LSM8: variants seen among roughly 807,000 people sequenced by gnomAD.
LSM8 encodes LSM8 homolog, U6 small nuclear RNA associated, also known as LSM8 U6 small nuclear RNA associated.
In LSM8, 14 loss-of-function variants were observed where a neutral mutation model predicts 15.0. The observed-to-expected ratio is 0.93, with a 90% CI of 0.62 to 1.46. LSM8 has a LOEUF of 1.46. Among genes scored for constraint, LSM8 ranks in the 40% most tolerant of loss-of-function variants. LSM8 has a pLI of 0.00. For synonymous variants in LSM8, 50 were observed against 42.1 expected (o/e 1.19, Z -0.73); for missense variants, 90 against 115.4 (o/e 0.78, Z 1.01).
At chr7:118,187,797 ATGAGT>A (rs1584705811) in intron 2 of LSM8, among the ~76,000 whole-genome samples, 1 of 152,316 alleles carries the variant, frequency 6.6e-6, no homozygotes, top group African/African-American at 2.4e-5. Context: ...AAGGGTAGAG[ATGAGT>A]TGAGAAAATG....
intron 1 of LSM8, 36 bp downstream of exon 1, chr7:118,184,290 G>C (rs531194145): frequency 6.8e-7 from 1 of 1,461,708 alleles, no homozygotes; most frequent in Non-Finnish European, 9.1e-7. Flanking sequence ...CGTGAGCCGG[G>C]GTCGCGGAGA....
chr7:118,191,754 C>T, intron 3 of LSM8, 158 bp from the exon 4 acceptor site: 3 of 577,178 alleles, frequency 5.2e-6, no homozygotes, highest in Non-Finnish European at 9.1e-6. Context: ...TGACTCACGC[C>T]AATGTTGTTT....
Position 118,201,211 on chromosome 7 carries a change from A to G in LSM8, c.*9209A>G, listed in dbSNP as rs998741283. Among the ~76,000 whole-genome samples the G allele has an allele frequency of 6.6e-6, 1 of 152,062 alleles. No individual in the cohort carries two copies. The highest frequency in any genetic ancestry group is 2.4e-5 in the African/African-American group (1 of 41,406). On this transcript the variant is annotated 3_prime_UTR_variant, in exon 4 of 4. Transcript: ENST00000249299. ...AGTTATTTCGAGTTATTTATATATCACAGAATTTTGAACTAAAGATCATCT... is the reference window on the plus strand; with the variant it reads ...AGTTATTTCGAGTTATTTATATATCGCAGAATTTTGAACTAAAGATCATCT...
Position 118,203,594 on chromosome 7 carries a change from A to G in LSM8, c.*11592A>G, listed in dbSNP as rs145112092. Reference sequence around the variant, plus strand: ...ACCACTCTGAATATCAAAGTCAGTGATGTCTCCAAAAGGCAAAGGGAAGTG... The same window carrying G: ...ACCACTCTGAATATCAAAGTCAGTGGTGTCTCCAAAAGGCAAAGGGAAGTG... On this transcript the variant is annotated 3_prime_UTR_variant, in exon 4 of 4. Coordinates refer to ENST00000249299, the MANE Select transcript of LSM8 (RefSeq NM_016200.5). Among the ~76,000 whole-genome samples the G allele has an allele frequency of 7.4e-4, 112 of 151,942 alleles. 1 individual carries two copies. The highest frequency in any genetic ancestry group is 2.5e-3 in the African/African-American group (105 of 41,528).
intron 3 of LSM8, chr7:118,189,196 G>A (rs980810930): frequency 4.0e-5 from 6 of 151,348 alleles, no homozygotes; most frequent in African/African-American, 1.5e-4. Flanking sequence ...GGAGGTAGAG[G>A]TTGCAGTGAG....
chr7:118,190,930 C>A (rs933607167), intron 3 of LSM8: 1 of 151,944 alleles, frequency 6.6e-6, no homozygotes, highest in African/African-American at 2.4e-5. Flanking sequence ...CGTGGTGAAA[C>A]CCTGTCTCTA....
rs1206845643 is a variant in LSM8 at position 118,198,348 on chromosome 7, C to T, written c.*6346C>T. The stretch of plus-strand genomic sequence containing the variant: ...CATATTTAATTTTGTATATTAAAAC[C>T]AAATATTCTATGAAGATTGGAAGGA... On this transcript the variant is annotated 3_prime_UTR_variant, in exon 4 of 4. Transcript: ENST00000249299. 6.6e-6 allele frequency among the ~76,000 whole-genome samples: 1 copy of T among 151,970 alleles called. No individual in the cohort carries two copies. Among genetic ancestry groups the T allele is most frequent in the Admixed American group, 6.6e-5 (1 of 15,232 alleles).
In LSM8 at chr7:118,192,189, T is replaced by A; in HGVS notation, c.*187T>A. On this transcript the variant is annotated 3_prime_UTR_variant, in exon 4 of 4. Transcript: ENST00000249299. ...ACCTTTTTTTTTGCCTAAATATAAG[T>A]TTGGTAGCTTGGTTTCTTTTTTTTA... 2 of 392,884 alleles carry A rather than the reference T, an allele frequency of 5.1e-6. No individual in the cohort carries two copies. Among genetic ancestry groups the A allele is most frequent in the Non-Finnish European group, 8.9e-6 (2 of 225,188 alleles). The allele number at this position is 392,884 out of a possible 1,614,324, so 24.3% of individuals were successfully genotyped here.
At chr7:118,191,623 C>G (rs1808982752) in intron 3 of LSM8, 1 of 255,372 alleles carries the variant, frequency 3.9e-6, no homozygotes, top group Middle Eastern at 1.4e-3. Flanking sequence ...CCTTGTGTGT[C>G]TGTTTCCTTT....
rs905777960 is a variant in LSM8, at chr7:118,194,753, T to G, written c.*2751T>G. Among the ~76,000 whole-genome samples, 2 of 152,094 alleles carry G rather than the reference T, an allele frequency of 1.3e-5. No homozygotes were observed. The highest frequency in any genetic ancestry group is 2.9e-5 in the Non-Finnish European group (2 of 67,988). The stretch of plus-strand genomic sequence containing the variant: ...GAACCAGACAATTTAGTAGCCAGGG[T>G]TGTAAGGCAACTCTTAACTGACAAT... On this transcript the variant is annotated 3_prime_UTR_variant, in exon 4 of 4. Coordinates refer to ENST00000249299, the MANE Select transcript of LSM8 (RefSeq NM_016200.5).
chr7:118,184,173 C>A lies in LSM8; in HGVS notation c.-51C>A. 2 of 1,544,136 alleles carry A rather than the reference C, an allele frequency of 1.3e-6. No individual in the cohort carries two copies. The highest frequency in any genetic ancestry group is 2.4e-5 in the South Asian group (2 of 83,798). ...CGGGTTCTGGCGCGCCCTTTCAGTT[C>A]TGCTTGCTGTCGGCACCGCTGCGTT... On this transcript the variant is annotated 5_prime_UTR_variant, in exon 1 of 4. In the 5' UTR this introduces an upstream ATG that the reference lacks. Transcript: ENST00000249299.
Position 118,196,591 on chromosome 7 carries a change from T to C in LSM8, c.*4589T>C, listed in dbSNP as rs1003741348. On this transcript the variant is annotated 3_prime_UTR_variant, in exon 4 of 4. Coordinates refer to ENST00000249299, the MANE Select transcript of LSM8 (RefSeq NM_016200.5). ...TTCCAGATACCTTTCCGACCTCTTCTTGGTTTTGGCATTAAGTTTTTTTTT... is the reference window on the plus strand; with the variant it reads ...TTCCAGATACCTTTCCGACCTCTTCCTGGTTTTGGCATTAAGTTTTTTTTT... Among the ~76,000 whole-genome samples the C allele has an allele frequency of 6.6e-6, 1 of 152,118 alleles. No homozygotes were observed. Among genetic ancestry groups the C allele is most frequent in the South Asian group, 2.1e-4 (1 of 4,816 alleles).
Position 118,192,060 on chromosome 7 carries a change from G to C in LSM8, c.*58G>C. The C allele has an allele frequency of 1.5e-6, 2 of 1,359,462 alleles. No individual in the cohort carries two copies. The highest frequency in any genetic ancestry group is 1.5e-5 in the African/African-American group (1 of 68,832). 84.2% of individuals were successfully genotyped at this position (1,359,462 alleles called of 1,614,324 possible). On this transcript the variant is annotated 3_prime_UTR_variant, in exon 4 of 4. Transcript: ENST00000249299. The stretch of plus-strand genomic sequence containing the variant: ...TTTGTACAGAAACTGATTATTCTGA[G>C]GATGATATATGGAGTTTTTATGAGT...
intron 2 of LSM8, among the ~76,000 whole-genome samples, chr7:118,186,459 T>A (rs1012834102): frequency 6.6e-6 from 1 of 152,258 alleles, no homozygotes; most frequent in Non-Finnish European, 1.5e-5. Context: ...TCAGTTTTGC[T>A]TTTGTTCATT....
In LSM8 at chr7:118,193,581, A is replaced by G. The variant is rs1809024053; in HGVS notation, c.*1579A>G. The stretch of plus-strand genomic sequence containing the variant: ...AGAAGTTAGCTAGTATTGGCTATTC[A>G]TAAGTACTTGACTTGTAGTATAATG... On this transcript the variant is annotated 3_prime_UTR_variant, in exon 4 of 4. Coordinates refer to ENST00000249299, the MANE Select transcript of LSM8 (RefSeq NM_016200.5). Among the ~76,000 whole-genome samples, 1 of 151,922 alleles carries G rather than the reference A, an allele frequency of 6.6e-6. No individual in the cohort carries two copies. The highest frequency in any genetic ancestry group is 6.6e-5 in the Admixed American group (1 of 15,226).
chr7:118,185,825 C>A (rs1168411634), intron 2 of LSM8, 131 bp downstream of exon 2: 2 of 748,046 alleles, frequency 2.7e-6, no homozygotes, highest in Admixed American at 5.5e-5. Flanking sequence ...TAATTCAGCT[C>A]TTTATCACTT....
At chr7:118,187,457 A>G (rs538513075) in intron 2 of LSM8, among the ~76,000 whole-genome samples, 1 of 152,360 alleles carries the variant, frequency 6.6e-6, no homozygotes, top group South Asian at 2.1e-4. Context: ...TACTGGGAGA[A>G]TTAAACAATA....
Position 118,201,510 on chromosome 7 carries a change from T to C in LSM8, c.*9508T>C, listed in dbSNP as rs912241221. On this transcript the variant is annotated 3_prime_UTR_variant, in exon 4 of 4. Transcript: ENST00000249299. Reference sequence around the variant, plus strand: ...AATCGCTCTGTGATGCATTTTATAATGTACAACCAAGAATCTCAATATTTA... The same window carrying C: ...AATCGCTCTGTGATGCATTTTATAACGTACAACCAAGAATCTCAATATTTA... 6.6e-6 allele frequency among the ~76,000 whole-genome samples: 1 copy of C among 152,124 alleles called. No homozygotes were observed. The highest frequency in any genetic ancestry group is 2.4e-5 in the African/African-American group (1 of 41,464).
At chr7:118,185,036 C>T (rs1394398428) in intron 1 of LSM8, 1 of 152,150 alleles carries the variant, frequency 6.6e-6, no homozygotes, top group African/African-American at 2.4e-5. Flanking sequence ...ATTTAGTACT[C>T]ATCCACTTTT....
Sources: allele counts gnomAD v4.1 joint callset (sites outside exome capture counted in the v4.1 genomes callset), GRCh38; gene constraint gnomAD v4.1.1; transcripts MANE v1.5; gene names NCBI Gene and HGNC (gene_info 2026-07-23, HGNC 2026-07-21).